Variants in FRMPD3 observed in about 807,000 individuals in gnomAD.
The protein encoded by FRMPD3 is FERM and PDZ domain containing 3.
Under a neutral mutation model 97.9 loss-of-function variants are expected in FRMPD3, and 42 were observed. That is an observed-to-expected ratio of 0.43 (90% confidence interval 0.34 to 0.55). The LOEUF is 0.55. Among genes scored for constraint, FRMPD3 ranks in the 20% least tolerant of loss-of-function variants. The probability of loss-of-function intolerance (pLI) is 0.03; values close to 1 mark genes in which losing one functional copy is unlikely to be tolerated. For missense variants in FRMPD3, 1,303 were observed against 1,457.7 expected (o/e 0.89, Z 1.73); for synonymous variants, 577 against 581.1 (o/e 0.99, Z 0.10).
chrX:107,516,199 A>G (rs192640594), intron 1 of FRMPD3, among the ~76,000 whole-genome samples: 174 of 110,237 alleles, frequency 1.6e-3, no homozygotes, highest in Admixed American at 3.2e-3. Flanking sequence ...TACAAAGGAC[A>G]TGAACTCTTC....
chrX:107,553,027 G>A (rs769612970), intron 7 of FRMPD3, 101 bp downstream of exon 7: 44 of 894,863 alleles, frequency 4.9e-5, no homozygotes, highest in Non-Finnish European at 6.5e-5. Context: ...TGCTCAGCCG[G>A]TTCCCAGAAG....
In FRMPD3 at chrX:107,554,395, G is replaced by A; in HGVS notation, c.653G>A (p.Arg218Gln). Residue 218 changes from arginine (R) to glutamine (Q), a missense_variant, in exon 8 of 15, where the codon CGG (arginine) becomes CAG (glutamine). Arg to Gln is a conservative substitution (Grantham distance 43). Around this residue, in one of 3 missense-constraint regions of FRMPD3, gnomAD observed 535 missense variants for 618.6 expected, o/e 0.86. Coordinates refer to ENST00000683843, the MANE Select transcript of FRMPD3 (RefSeq NM_001388459.1). The part of the protein sequence containing the change: ...DKQPLAYVVQ[R>Q]THYHGMKCLF... ...ATCCCTGGAATTCAGGTGGTACAGC[G>A]GACACACTATCATGGAATGAAATGC... 5.8e-6 allele frequency: 7 copies of A among 1,208,363 alleles called. No individual in the cohort carries two copies. The highest frequency in any genetic ancestry group is 4.6e-4 in the Middle Eastern group (2 of 4,347).
chrX:107,560,175 T>C lies in FRMPD3; in HGVS notation c.763-82T>C, dbSNP rs1922282197. 15 of 1,089,605 alleles carry C rather than the reference T, an allele frequency of 1.4e-5. No homozygotes were observed. In the South Asian group the frequency reaches 2.7e-4, roughly 20 times the overall value. 89.8% of individuals were successfully genotyped at this position (1,089,605 alleles called of 1,213,427 possible). ...TGCCTTACTGATACTATGAGTATTGTCTGGGATGTAAGGGAGTAGATCAGG... is the reference window on the plus strand; with the variant it reads ...TGCCTTACTGATACTATGAGTATTGCCTGGGATGTAAGGGAGTAGATCAGG... On this transcript the variant is annotated intron_variant, in intron 8 of 14. Transcript: ENST00000683843.
At chrX:107,484,047 A>G (rs1275586445) in intron 1 of FRMPD3, among the ~76,000 whole-genome samples, 1 of 111,942 alleles carries the variant, frequency 8.9e-6, no homozygotes, top group African/African-American at 3.2e-5. Flanking sequence ...AGGGCCAGGA[A>G]CTGGCTGTAG....
Position 107,564,939 on chromosome X carries a change from G to C in FRMPD3, c.1169G>C (p.Ser390Thr). The change falls in exon 12 of 15, where the codon AGC becomes ACC. Residue 390 changes from serine (S) to threonine (T), a missense_variant. Physicochemically the swap from Ser to Thr is moderately conservative, Grantham distance 58. Coordinates refer to ENST00000683843, the MANE Select transcript of FRMPD3 (RefSeq NM_001388459.1). ...TLLVGPRHGI[S>T]HVIDLKTNLT... The stretch of plus-strand genomic sequence containing the variant: ...CTGGTGGGACCCCGTCATGGCATCA[G>C]CCATGTTATTGACCTCAAAACCAAC... The C allele has an allele frequency of 1.2e-5, 14 of 1,210,600 alleles. No individual in the cohort carries two copies. The highest frequency in any genetic ancestry group is 1.6e-5 in the Non-Finnish European group (14 of 895,217).
At chrX:107,494,621 T>A (rs1921733438) in intron 1 of FRMPD3, among the ~76,000 whole-genome samples, 1 of 112,040 alleles carries the variant, frequency 8.9e-6, no homozygotes, top group African/African-American at 3.2e-5. Context: ...CTATAATTTC[T>A]TGAGCAGTTA....
intron 5 of FRMPD3, among the ~76,000 whole-genome samples, chrX:107,548,864 C>CAAAAT (rs1921730691): frequency 9.0e-6 from 1 of 111,066 alleles, no homozygotes; most frequent in Non-Finnish European, 1.9e-5. Flanking sequence ...CAAAACAAAA[C>CAAAAT]AAAATACGGT....
chrX:107,541,337 T>C lies in FRMPD3; in HGVS notation c.298-4400T>C, dbSNP rs1921291530. Among the ~76,000 whole-genome samples, 3 of 112,410 alleles carry C rather than the reference T, an allele frequency of 2.7e-5. No homozygotes were observed. The Admixed American group carries it at 2.8e-4, about 11-fold the overall frequency. ...CTGCAAAGCAGGCCTCACCTGTGTCTGAGCATAAGGCTAGATGTGACTCCA... is the reference window on the plus strand; with the variant it reads ...CTGCAAAGCAGGCCTCACCTGTGTCCGAGCATAAGGCTAGATGTGACTCCA... On this transcript the variant is annotated intron_variant, in intron 4 of 14. Transcript: ENST00000683843.
chrX:107,454,573 C>T (rs1001508536), intron 1 of FRMPD3, among the ~76,000 whole-genome samples: 2 of 111,660 alleles, frequency 1.8e-5, no homozygotes, highest in Non-Finnish European at 3.8e-5. Context: ...ACTCCTGCCA[C>T]CACCTCACAG....
At chrX:107,459,476 T>A (rs1012169300) in intron 1 of FRMPD3, among the ~76,000 whole-genome samples, 3 of 111,062 alleles carry the variant, frequency 2.7e-5, no homozygotes, top group Non-Finnish European at 5.7e-5. Context: ...GATGGGAGAG[T>A]CATGGCCAGG....
At chrX:107,550,280 C>G in intron 6 of FRMPD3, 124 bp downstream of exon 6, 1 of 493,219 alleles carries the variant, frequency 2.0e-6, no homozygotes, top group Middle Eastern at 4.5e-4. Context: ...CCTTTAAGCT[C>G]TGGATGCTTG....
intron 1 of FRMPD3, among the ~76,000 whole-genome samples, chrX:107,460,651 C>A (rs1036344924): frequency 1.8e-5 from 2 of 111,470 alleles, no homozygotes; most frequent in Non-Finnish European, 3.8e-5. Context: ...CTGGGCCTCC[C>A]AAAGTGCTGG....
At chrX:107,564,047 A>G (rs942958503) in intron 11 of FRMPD3, among the ~76,000 whole-genome samples, 3 of 112,301 alleles carry the variant, frequency 2.7e-5, no homozygotes, top group African/African-American at 9.7e-5. Flanking sequence ...CAAAGTGCCT[A>G]TAGACAGGCA....
intron 1 of FRMPD3, among the ~76,000 whole-genome samples, chrX:107,467,187 C>A (rs1457863134): frequency 8.9e-6 from 1 of 111,795 alleles, no homozygotes; most frequent in African/African-American, 3.3e-5. Flanking sequence ...GTAATACATT[C>A]TTTATAGCGT....
intron 1 of FRMPD3, among the ~76,000 whole-genome samples, chrX:107,471,464 CA>C (rs1181572834): frequency 9.0e-6 from 1 of 111,120 alleles, no homozygotes; most frequent in Non-Finnish European, 1.9e-5. Context: ...GCCATCCCCC[CA>C]ACAGGCCCTG....
chrX:107,568,794 C>CAG (rs1355604105), intron 12 of FRMPD3, among the ~76,000 whole-genome samples: 1 of 110,672 alleles, frequency 9.0e-6, no homozygotes, highest in Non-Finnish European at 1.9e-5. Flanking sequence ...TGCAGTGGCT[C>CAG]ATGCCTGTAG....
chrX:107,541,673 C>A (rs1921308024), intron 4 of FRMPD3, among the ~76,000 whole-genome samples: 1 of 111,707 alleles, frequency 9.0e-6, no homozygotes, highest in East Asian at 2.8e-4. Context: ...AGGATGCCAC[C>A]CTCTTCACTG....
At chrX:107,545,512 A>G (rs750162893) in intron 4 of FRMPD3, 43 of 351,781 alleles carry the variant, frequency 1.2e-4, no homozygotes, top group African/African-American at 1.1e-3. Context: ...ATGGGGTTCA[A>G]TCTACCCAAA....
chrX:107,508,065 G>A (rs1207629984), intron 1 of FRMPD3, among the ~76,000 whole-genome samples: 1 of 111,845 alleles, frequency 8.9e-6, no homozygotes, highest in Non-Finnish European at 1.9e-5. Context: ...CCCATTTTAC[G>A]GATGAGGAAA....
Sources: allele counts gnomAD v4.1 joint callset (sites outside exome capture counted in the v4.1 genomes callset), GRCh38; gene constraint gnomAD v4.1.1; regional missense constraint gnomAD v4.1.1; transcripts MANE v1.5; gene names NCBI Gene and HGNC (gene_info 2026-07-23, HGNC 2026-07-21).